The following RAB7A variants were observed in gnomAD, a reference collection of about 807,000 sequenced individuals.
The protein encoded by RAB7A is RAB7A, member RAS oncogene family.
In RAB7A, 2 loss-of-function variants were observed where a neutral mutation model predicts 24.5. The observed-to-expected ratio is 0.08, with a 90% CI of 0.03 to 0.26. The LOEUF is 0.26. Ranked by LOEUF, RAB7A falls within the 10% of genes least tolerant of loss-of-function variation. The pLI is 1.00. For synonymous variants in RAB7A, 100 were observed against 95.9 expected (o/e 1.04, Z -0.25); for missense variants, 118 against 255.7 (o/e 0.46, Z 3.67).
chr3:128,757,283 T>A (rs144901208), intron 1 of RAB7A, among the ~76,000 whole-genome samples: 160 of 152,252 alleles, frequency 1.1e-3, no homozygotes, highest in African/African-American at 3.7e-3. Context: ...GAATATCAGA[T>A]AAGTGCTATG....
At chr3:128,810,281 A>C (rs1933897681) in intron 5 of RAB7A, among the ~76,000 whole-genome samples, 1 of 151,468 alleles carries the variant, frequency 6.6e-6, no homozygotes, top group Admixed American at 6.6e-5. Context: ...TGTTTCCACC[A>C]TTTTCCTCTC....
intron 1 of RAB7A, among the ~76,000 whole-genome samples, chr3:128,740,496 T>C (rs1295232434): frequency 6.6e-6 from 1 of 152,238 alleles, no homozygotes; most frequent in Non-Finnish European, 1.5e-5. Flanking sequence ...CTTTACATTT[T>C]GTAGTTTGAG....
chr3:128,770,422 A>G (rs563619469), intron 1 of RAB7A, among the ~76,000 whole-genome samples: 1 of 152,268 alleles, frequency 6.6e-6, no homozygotes, highest in East Asian at 1.9e-4. Flanking sequence ...GCCTCCTGTC[A>G]TTTTTGTTTA....
chr3:128,788,760 C>G (rs1933393680), intron 1 of RAB7A, among the ~76,000 whole-genome samples: 1 of 152,342 alleles, frequency 6.6e-6, no homozygotes, highest in South Asian at 2.1e-4. Flanking sequence ...TTGCCCTTCC[C>G]CTAGGTACCC....
chr3:128,753,870 C>T (rs2070708244), intron 1 of RAB7A, among the ~76,000 whole-genome samples: 1 of 152,060 alleles, frequency 6.6e-6, no homozygotes, highest in Admixed American at 6.6e-5. Flanking sequence ...AATTCCTAGG[C>T]TCAAGTGATC....
intron 1 of RAB7A, among the ~76,000 whole-genome samples, chr3:128,764,242 C>T (rs572922673): frequency 3.3e-5 from 5 of 152,312 alleles, no homozygotes; most frequent in East Asian, 1.9e-4. Flanking sequence ...ACAGCCTCGA[C>T]CACATACCAC....
At chr3:128,755,168 C>A (rs935110021) in intron 1 of RAB7A, among the ~76,000 whole-genome samples, 1 of 151,838 alleles carries the variant, frequency 6.6e-6, no homozygotes, top group African/African-American at 2.4e-5. Context: ...TTTTCTTTGA[C>A]AAAATGGGAT....
chr3:128,780,884 T>C (rs1036619534), intron 1 of RAB7A, among the ~76,000 whole-genome samples: 5 of 152,240 alleles, frequency 3.3e-5, no homozygotes, highest in African/African-American at 9.6e-5. Flanking sequence ...CATGTTTCAG[T>C]GCTGCTTTGT....
chr3:128,733,681 T>C (rs1421357288), intron 1 of RAB7A, among the ~76,000 whole-genome samples: 2 of 152,184 alleles, frequency 1.3e-5, no homozygotes, highest in Non-Finnish European at 2.9e-5. Flanking sequence ...TCCTTTTCTT[T>C]TAGGACACCA....
chr3:128,807,072 T>C (rs910647872), intron 4 of RAB7A, among the ~76,000 whole-genome samples: 6 of 152,182 alleles, frequency 3.9e-5, no homozygotes, highest in Admixed American at 2.0e-4. Context: ...TTAGTCCTTA[T>C]CTCTTGGCTG....
chr3:128,745,351 TTTA>T (rs1192673422), intron 1 of RAB7A, among the ~76,000 whole-genome samples: 1 of 151,958 alleles, frequency 6.6e-6, no homozygotes, highest in Non-Finnish European at 1.5e-5. Context: ...GAAACAGTAG[TTTA>T]TTAAGAATCA....
intron 2 of RAB7A, 28 bp downstream of exon 2, chr3:128,795,448 A>C: frequency 1.3e-6 from 2 of 1,591,996 alleles, no homozygotes; most frequent in Non-Finnish European, 1.7e-6. Context: ...TTGAGCTAAC[A>C]GATTGGCTTA....
chr3:128,791,749 CA>C (rs1933458163), intron 1 of RAB7A, among the ~76,000 whole-genome samples: 1 of 152,128 alleles, frequency 6.6e-6, no homozygotes, highest in Admixed American at 6.6e-5. Flanking sequence ...AAGGAGCTGT[CA>C]AAAGAGATAC....
At chr3:128,809,254 A>G (rs981463631) in intron 5 of RAB7A, among the ~76,000 whole-genome samples, 2 of 152,214 alleles carry the variant, frequency 1.3e-5, no homozygotes, top group African/African-American at 4.8e-5. Flanking sequence ...ATTGTAAGTC[A>G]GGGTGCCAGG....
chr3:128,792,685 G>C (rs1933482331), intron 1 of RAB7A, among the ~76,000 whole-genome samples: 1 of 151,282 alleles, frequency 6.6e-6, no homozygotes, highest in Non-Finnish European at 1.5e-5. Context: ...TGGCATTACA[G>C]GTGTGAGCCA....
intron 1 of RAB7A, chr3:128,795,126 C>G (rs1933538523): frequency 1.7e-6 from 1 of 575,282 alleles, no homozygotes; most frequent in Non-Finnish European, 3.1e-6. Context: ...TACATTCTCT[C>G]CAACAGCTTG....
At chr3:128,797,891 G>C (rs760233204) in intron 2 of RAB7A, 52 bp from the exon 3 acceptor site, 1 of 1,601,382 alleles carries the variant, frequency 6.2e-7, no homozygotes, top group Non-Finnish European at 8.5e-7. Context: ...ATTCGTGTCA[G>C]TTTCAGGACC....
At chr3:128,804,116 C>G (rs1011425488) in intron 3 of RAB7A, among the ~76,000 whole-genome samples, 2 of 128,922 alleles carry the variant, frequency 1.6e-5, no homozygotes, top group South Asian at 2.2e-4. Flanking sequence ...CTCCCTGGGC[C>G]CCCCCCCGCC....
In RAB7A at chr3:128,761,548, T is replaced by A. The variant is rs140701195; in HGVS notation, c.-8-33812T>A. 1.6e-3 allele frequency among the ~76,000 whole-genome samples: 251 copies of A among 152,304 alleles called. 1 individual carries two copies. The highest frequency in any genetic ancestry group is 5.8e-3 in the African/African-American group (239 of 41,562). Reference sequence around the variant, plus strand: ...GGTGCAGGTGCTTGGGAAATGAATCTGTGTTAAGATCACCAGCCTCTGAAC... The same window carrying A: ...GGTGCAGGTGCTTGGGAAATGAATCAGTGTTAAGATCACCAGCCTCTGAAC... On this transcript the variant is annotated intron_variant, in intron 1 of 5. Coordinates refer to ENST00000265062, the MANE Select transcript of RAB7A (RefSeq NM_004637.6).
Sources: allele counts gnomAD v4.1 joint callset (sites outside exome capture counted in the v4.1 genomes callset), GRCh38; gene constraint gnomAD v4.1.1; transcripts MANE v1.5; gene names NCBI Gene and HGNC (gene_info 2026-07-23, HGNC 2026-07-21).